CADM2: variants seen among roughly 807,000 people sequenced by gnomAD.
CADM2 encodes the protein cell adhesion molecule 2.
In CADM2, 12 loss-of-function variants were observed where a neutral mutation model predicts 49.8. That is an observed-to-expected ratio of 0.24 (90% CI 0.15 to 0.39). CADM2 has a LOEUF of 0.39. Among genes scored for constraint, CADM2 ranks in the 10% least tolerant of loss-of-function variants. CADM2 has a pLI of 1.00. For synonymous variants in CADM2, 214 were observed against 175.4 expected, an observed-to-expected ratio of 1.22 and a Z score of -1.74; for missense variants, 378 against 492.3, an observed-to-expected ratio of 0.77 and a Z score of 2.20.
chr3:85,200,698 C>T (rs939452916), intron 1 of CADM2, among the ~76,000 whole-genome samples: 20 of 152,064 alleles, frequency 1.3e-4, no homozygotes, highest in Non-Finnish European at 2.5e-4. Context: ...ATTCTATGTC[C>T]ATTATTTAGC....
chr3:85,977,636 T>C (rs1577843085), intron 8 of CADM2, among the ~76,000 whole-genome samples: 2 of 151,642 alleles, frequency 1.3e-5, no homozygotes, highest in Admixed American at 1.3e-4. Flanking sequence ...TAACAATTAG[T>C]AAACAAGAAG....
chr3:85,633,689 A>G (rs2064377102), intron 1 of CADM2, among the ~76,000 whole-genome samples: 2 of 152,076 alleles, frequency 1.3e-5, no homozygotes, highest in South Asian at 4.1e-4. Flanking sequence ...GGAACCAATC[A>G]CTGTATGCAG....
At chr3:86,032,995 C>A (rs1165924284) in intron 8 of CADM2, among the ~76,000 whole-genome samples, 1 of 151,672 alleles carries the variant, frequency 6.6e-6, no homozygotes, top group Non-Finnish European at 1.5e-5. Context: ...ATCTCTTTTC[C>A]TTTTTCTTAT....
rs533604986 is a variant in CADM2, at chr3:85,897,536, T to C, written c.529+11209T>C. Among the ~76,000 whole-genome samples the C allele has an allele frequency of 1.4e-3, 208 of 152,134 alleles. 1 individual carries two copies. The highest frequency in any genetic ancestry group is 2.3e-3 in the Non-Finnish European group (159 of 67,994). On this transcript the variant is annotated intron_variant, in intron 5 of 9. Transcript: ENST00000383699. The stretch of plus-strand genomic sequence containing the variant: ...CACCCGCCTCGGCCTCCCAAAGTGC[T>C]GGGATTACAGGCGTGAGCCACCGCG...
At chr3:85,516,425 G>T (rs2060904665) in intron 1 of CADM2, among the ~76,000 whole-genome samples, 3 of 152,084 alleles carry the variant, frequency 2.0e-5, no homozygotes, top group Admixed American at 2.0e-4. Flanking sequence ...TCTTCTTATA[G>T]TAAGGAAACA....
intron 3 of CADM2, among the ~76,000 whole-genome samples, chr3:85,867,202 A>G (rs1327586073): frequency 6.6e-6 from 1 of 152,066 alleles, no homozygotes; most frequent in Non-Finnish European, 1.5e-5. Context: ...GTCTATGTCT[A>G]CTTGCCGTCA....
chr3:85,754,911 A>T (rs1357416069), intron 2 of CADM2, among the ~76,000 whole-genome samples: 1 of 152,204 alleles, frequency 6.6e-6, no homozygotes, highest in Non-Finnish European at 1.5e-5. Context: ...TAGAAAAATG[A>T]AATAGAAATA....
chr3:85,487,731 TGTGTGTGC>T (rs1236141207), intron 1 of CADM2, among the ~76,000 whole-genome samples: 3 of 150,582 alleles, frequency 2.0e-5, no homozygotes, highest in Non-Finnish European at 4.4e-5. Context: ...CCTCTGTGTG[TGTGTGTGC>T]GTGTGTGCGT....
chr3:85,916,844 AC>A (rs1718404716), intron 6 of CADM2, among the ~76,000 whole-genome samples: 2 of 152,136 alleles, frequency 1.3e-5, no homozygotes, highest in South Asian at 4.2e-4. Flanking sequence ...TTGTTTCCTG[AC>A]TTTTTAATGA....
intron 1 of CADM2, among the ~76,000 whole-genome samples, chr3:84,984,163 C>T (rs1362575921): frequency 6.6e-6 from 1 of 151,668 alleles, no homozygotes; most frequent in Non-Finnish European, 1.5e-5. Flanking sequence ...TGAGCTGTTT[C>T]CCATGTTGCA....
At chr3:85,696,006 T>G (rs2066543521) in intron 1 of CADM2, among the ~76,000 whole-genome samples, 1 of 152,166 alleles carries the variant, frequency 6.6e-6, no homozygotes, top group Admixed American at 6.5e-5. Flanking sequence ...TAGGTTTGCA[T>G]TTCCCTGATG....
chr3:85,597,869 T>C (rs931618666), intron 1 of CADM2, among the ~76,000 whole-genome samples: 2 of 152,116 alleles, frequency 1.3e-5, no homozygotes, highest in Admixed American at 1.3e-4. Flanking sequence ...ATGTGTTTAA[T>C]ATTGGTTAAA....
At chr3:85,168,880 T>C (rs2107680899) in intron 1 of CADM2, among the ~76,000 whole-genome samples, 1 of 152,332 alleles carries the variant, frequency 6.6e-6, no homozygotes, top group Middle Eastern at 3.4e-3. Flanking sequence ...AGGCATTTAA[T>C]ATATATTTGA....
chr3:85,806,271 G>T (rs2072411801), intron 3 of CADM2, among the ~76,000 whole-genome samples: 2 of 151,910 alleles, frequency 1.3e-5, no homozygotes, highest in Non-Finnish European at 1.5e-5. Context: ...AGGAAGAAAA[G>T]AATGGAAGGG....
At chr3:85,117,446 A>G (rs1212107792) in intron 1 of CADM2, among the ~76,000 whole-genome samples, 1 of 152,210 alleles carries the variant, frequency 6.6e-6, no homozygotes, top group East Asian at 1.9e-4. Context: ...TGTGTAACTA[A>G]TGGCTTGAAA....
At chr3:85,336,751 A>G (rs905744233) in intron 1 of CADM2, among the ~76,000 whole-genome samples, 2 of 150,062 alleles carry the variant, frequency 1.3e-5, no homozygotes, top group Non-Finnish European at 3.0e-5. Flanking sequence ...AAAAATAAAA[A>G]TTTCGTATAT....
intron 5 of CADM2, among the ~76,000 whole-genome samples, chr3:85,903,439 A>G (rs899426063): frequency 6.6e-6 from 1 of 151,880 alleles, no homozygotes; most frequent in Non-Finnish European, 1.5e-5. Context: ...TTTCACCTTC[A>G]TTTTTGAAAA....
intron 1 of CADM2, among the ~76,000 whole-genome samples, chr3:85,110,121 T>C (rs1457972425): frequency 1.3e-5 from 2 of 151,904 alleles, no homozygotes; most frequent in African/African-American, 4.8e-5. Context: ...GGGTGTCCTT[T>C]ATGCTGCTGA....
chr3:86,030,047 G>C (rs942169233), intron 8 of CADM2, among the ~76,000 whole-genome samples: 12 of 151,956 alleles, frequency 7.9e-5, no homozygotes, highest in Admixed American at 3.9e-4. Context: ...GGTTAAGGAA[G>C]GGGGATCTTT....
Sources: gnomAD v4.1 joint callset for allele counts (sites outside exome capture counted in the v4.1 genomes callset) on GRCh38, gnomAD v4.1.1 for gene constraint, MANE v1.5 for transcripts, NCBI Gene and HGNC (gene_info 2026-07-23, HGNC 2026-07-21) for gene names.